RBM19: variants seen among roughly 807,000 people sequenced by gnomAD.
RBM19 encodes the protein probable RNA-binding protein 19.
RBM19 carries 94 observed loss-of-function variants against 116.8 expected under a neutral mutation model. That is an observed-to-expected ratio of 0.80 (90% confidence interval 0.68 to 0.95). The LOEUF is 0.95. Ranked by LOEUF, RBM19 falls within the 40% of genes least tolerant of loss-of-function variation. The probability of loss-of-function intolerance (pLI) is 0.00; values close to 1 mark genes in which losing one functional copy is unlikely to be tolerated. For synonymous variants in RBM19, 475 were observed against 494.1 expected (o/e 0.96, Z 0.51); for missense variants, 1,161 against 1,220.7 (o/e 0.95, Z 0.73).
At position 113,966,169 on chromosome 12, in the gene RBM19, C is replaced by T. The variant is rs769155598; in HGVS notation, c.36+23G>A. ...TCCCGGCTGGTCTCATTTCAGATTC[C>T]CAAGTCCTGCCTCTGCACTCACCCC... On this transcript the variant is annotated intron_variant, in intron 1 of 23. Transcript: ENST00000261741. 8.7e-6 allele frequency: 14 copies of T among 1,614,232 alleles called. No individual in the cohort carries two copies. In the South Asian group the frequency reaches 1.4e-4, roughly 16 times the overall value.
At chr12:113,924,844 G>C (rs1868918924) in intron 17 of RBM19, 87 bp from the exon 18 acceptor site, 1 of 1,144,968 alleles carries the variant, frequency 8.7e-7, no homozygotes, top group Admixed American at 1.7e-5. Flanking sequence ...CCCCAAATTT[G>C]CCATATGGAC....
At chr12:113,935,145 T>C (rs1422813190) in intron 16 of RBM19, among the ~76,000 whole-genome samples, 1 of 151,958 alleles carries the variant, frequency 6.6e-6, no homozygotes. Flanking sequence ...CACAAGGAAA[T>C]GAAGAGCCTG....
intron 21 of RBM19, among the ~76,000 whole-genome samples, chr12:113,860,096 C>A (rs1295554769): frequency 2.0e-5 from 3 of 152,222 alleles, no homozygotes; most frequent in Non-Finnish European, 4.4e-5. Context: ...CAGCTCTGCT[C>A]CCCCCTCCTG....
chr12:113,930,581 C>T (rs1193784956), intron 16 of RBM19, among the ~76,000 whole-genome samples: 1 of 152,222 alleles, frequency 6.6e-6, no homozygotes, highest in Non-Finnish European at 1.5e-5. Context: ...TGGCATGGGG[C>T]TCACCTGGCA....
At position 113,822,965 on chromosome 12, in the gene RBM19, T is replaced by C. The variant is rs902227950; in HGVS notation, c.*259A>G. ...CTAACGTGGCTGCTCCCTTGGACTC[T>C]TCCGTGTCTGCTACAGAGCAGGTGC... On this transcript the variant is annotated 3_prime_UTR_variant, in exon 24 of 24. Transcript: ENST00000261741. 4.3e-6 allele frequency: 2 copies of C among 469,952 alleles called. No homozygotes were observed. Among genetic ancestry groups the C allele is most frequent in the Non-Finnish European group, 7.7e-6 (2 of 258,078 alleles). The allele number at this position is 469,952 out of a possible 1,614,324, so 29.1% of individuals were successfully genotyped here.
In RBM19 at chr12:113,858,915, A is replaced by G; in HGVS notation, c.2559-19T>C. ...AAAGGTGCTAGAAACAAAAGGCAAG[A>G]CATAGGGGTTTAAGAATAGAGGCCC... On this transcript the variant is annotated intron_variant, in intron 21 of 23. Coordinates refer to ENST00000261741, the MANE Select transcript of RBM19 (RefSeq NM_016196.4). 6.2e-7 allele frequency: 1 copy of G among 1,610,786 alleles called. No homozygotes were observed. Among genetic ancestry groups the G allele is most frequent in the Non-Finnish European group, 8.5e-7 (1 of 1,176,968 alleles).
At chr12:113,860,341 C>T (rs558643577) in intron 21 of RBM19, among the ~76,000 whole-genome samples, 2 of 152,378 alleles carry the variant, frequency 1.3e-5, no homozygotes, top group East Asian at 3.9e-4. Flanking sequence ...AAGGCGGATG[C>T]ATCCCATGAC....
chr12:113,819,301 C>A (rs1874266971), downstream of RBM19, among the ~76,000 whole-genome samples: 1 of 152,212 alleles, frequency 6.6e-6, no homozygotes, highest in Admixed American at 6.5e-5. Flanking sequence ...CTACTGACCT[C>A]CCACCTCCCT....
At chr12:113,838,858 G>C (rs925594560) in intron 23 of RBM19, among the ~76,000 whole-genome samples, 2 of 152,210 alleles carry the variant, frequency 1.3e-5, no homozygotes, top group African/African-American at 4.8e-5. Context: ...ATTCACGCTG[G>C]TGGGGCACGG....
intron 2 of RBM19, among the ~76,000 whole-genome samples, chr12:113,960,971 A>C (rs1268477256): frequency 6.6e-6 from 1 of 152,210 alleles, no homozygotes; most frequent in Non-Finnish European, 1.5e-5. Context: ...GCCACAGTTA[A>C]GGCTGACGCT....
At chr12:113,838,246 G>A (rs188959325) in intron 23 of RBM19, among the ~76,000 whole-genome samples, 1 of 152,330 alleles carries the variant, frequency 6.6e-6, no homozygotes, top group East Asian at 1.9e-4. Flanking sequence ...CATGGCTTTG[G>A]GATGTGGGAG....
chr12:113,836,349 T>C (rs960483393), intron 23 of RBM19, among the ~76,000 whole-genome samples: 3 of 152,170 alleles, frequency 2.0e-5, no homozygotes, highest in Admixed American at 6.5e-5. Flanking sequence ...GGTCTTTGCC[T>C]ACTCAGGCCA....
chr12:113,966,266 G>T lies in RBM19; in HGVS notation c.-39C>A. The T allele has an allele frequency of 1.2e-6, 2 of 1,613,232 alleles. No individual in the cohort carries two copies. The highest frequency in any genetic ancestry group is 8.5e-7 in the Non-Finnish European group (1 of 1,179,790). ...CGCTGTTTTGATTCCAACACGACTG[G>T]TCAGCGTCTTCCACCAAGTTTCACG... On this transcript the variant is annotated 5_prime_UTR_variant, in exon 1 of 24. Transcript: ENST00000261741.
chr12:113,823,889 T>C (rs1397296060), intron 23 of RBM19, among the ~76,000 whole-genome samples: 1 of 152,186 alleles, frequency 6.6e-6, no homozygotes, highest in Non-Finnish European at 1.5e-5. Flanking sequence ...AGTACATGGC[T>C]GGCATACAAC....
At chr12:113,835,486 G>A (rs1450888084) in intron 23 of RBM19, among the ~76,000 whole-genome samples, 1 of 152,196 alleles carries the variant, frequency 6.6e-6, no homozygotes, top group Non-Finnish European at 1.5e-5. Context: ...GAAAAGGAGA[G>A]GTGTGGGGGA....
chr12:113,915,358 C>T lies in RBM19; in HGVS notation c.2442-273G>A, dbSNP rs114644470. The stretch of plus-strand genomic sequence containing the variant: ...GGGCCACCAGGGACTTAAGGAGCCC[C>T]GCTAAGGGTGGGGCTGGTTTCTCAC... On this transcript the variant is annotated intron_variant, in intron 20 of 23. Transcript: ENST00000261741. Among the ~76,000 whole-genome samples, 1,397 of 152,224 alleles carry T rather than the reference C, an allele frequency of 9.2e-3. 28 individuals carry two copies. Among genetic ancestry groups the T allele is most frequent in the African/African-American group, 0.032 (1,340 of 41,512 alleles).
chr12:113,831,778 C>T (rs774230299), intron 23 of RBM19, among the ~76,000 whole-genome samples: 3 of 152,152 alleles, frequency 2.0e-5, no homozygotes, highest in Non-Finnish European at 4.4e-5. Context: ...GGGATATTGC[C>T]GAAGCACTTG....
At position 113,838,418 on chromosome 12, in the gene RBM19, C is replaced by T. The variant is rs539843778; in HGVS notation, c.2785+6250G>A. On this transcript the variant is annotated intron_variant, in intron 23 of 23. Coordinates refer to ENST00000261741, the MANE Select transcript of RBM19 (RefSeq NM_016196.4). ...CCATGGGGAGAACACACAAACTCCACGGGGAGAACATGCAAACTCCACGGG... is the reference window on the plus strand; with the variant it reads ...CCATGGGGAGAACACACAAACTCCATGGGGAGAACATGCAAACTCCACGGG... 4.6e-5 allele frequency among the ~76,000 whole-genome samples: 7 copies of T among 152,144 alleles called. No homozygotes were observed. In the South Asian group the frequency reaches 1.2e-3, roughly 27 times the overall value.
intron 21 of RBM19, among the ~76,000 whole-genome samples, chr12:113,871,875 C>T (rs1431133810): frequency 5.9e-5 from 9 of 151,996 alleles, no homozygotes; most frequent in African/African-American, 1.7e-4. Flanking sequence ...CCCGCGGGGC[C>T]GGAGGGCAAG....
Sources: allele counts gnomAD v4.1 joint callset (sites outside exome capture counted in the v4.1 genomes callset), GRCh38; gene constraint gnomAD v4.1.1; transcripts MANE v1.5; gene names NCBI Gene and HGNC (gene_info 2026-07-23, HGNC 2026-07-21).